Variants in CNKSR2 observed in about 807,000 individuals in gnomAD.
The protein encoded by CNKSR2 is connector enhancer of kinase suppressor of Ras 2.
A neutral mutation model predicts 84.4 loss-of-function variants in CNKSR2; 14 were observed. That is an observed-to-expected ratio of 0.17 (90% CI 0.11 to 0.26). The LOEUF (loss-of-function observed/expected upper bound fraction) is 0.26. CNKSR2 is among the 10% of genes least tolerant of loss of function. The pLI, the probability that CNKSR2 is intolerant of heterozygous loss-of-function variation, is 1.00. For synonymous variants in CNKSR2, 275 were observed against 277.9 expected (o/e 0.99, Z 0.10); for missense variants, 485 against 771.2 (o/e 0.63, Z 4.40).
intron 5 of CNKSR2, among the ~76,000 whole-genome samples, chrX:21,488,511 T>C (rs1037456267): frequency 2.7e-5 from 3 of 111,636 alleles, no homozygotes; most frequent in African/African-American, 9.8e-5. Flanking sequence ...TCTATGGGTA[T>C]TGGTACCATG....
At position 21,383,805 on chromosome X, in the gene CNKSR2, C is replaced by T. The variant is rs757515416; in HGVS notation, c.64+8844C>T. 6.3e-5 allele frequency among the ~76,000 whole-genome samples: 7 copies of T among 110,621 alleles called. No individual in the cohort carries two copies. The South Asian group carries it at 2.7e-3, about 42-fold the overall frequency. ...AAATCGATGGAAGCCTGGCTTAGAT[C>T]CTAGATTTTCCTTTTTTCAACTTAT... On this transcript the variant is annotated intron_variant, in intron 1 of 21. Transcript: ENST00000379510.
intron 13 of CNKSR2, among the ~76,000 whole-genome samples, chrX:21,564,104 G>A (rs997944395): frequency 1.8e-5 from 2 of 111,622 alleles, no homozygotes; most frequent in South Asian, 7.6e-4. Context: ...GTGTGAGAAT[G>A]TGGCATGTTC....
chrX:21,497,171 G>A (rs2091508490), intron 6 of CNKSR2, among the ~76,000 whole-genome samples: 1 of 110,854 alleles, frequency 9.0e-6, no homozygotes, highest in Non-Finnish European at 1.9e-5. Context: ...CCTTTTTACT[G>A]GGGGAAGGGA....
chrX:21,578,723 A>G (rs1453844868), intron 13 of CNKSR2, among the ~76,000 whole-genome samples: 3 of 111,694 alleles, frequency 2.7e-5, no homozygotes, highest in Non-Finnish European at 5.6e-5. Context: ...ACTAAAACAG[A>G]ATGCACTTCT....
rs183610520 is a variant in CNKSR2 at position 21,545,141 on chromosome X, A to G, written c.1303+13074A>G. Among the ~76,000 whole-genome samples, 121 of 111,764 alleles carry G rather than the reference A, an allele frequency of 1.1e-3. 1 individual carries two copies. Among genetic ancestry groups the G allele is most frequent in the African/African-American group, 3.7e-3 (114 of 30,772 alleles). On this transcript the variant is annotated intron_variant, in intron 11 of 21. Coordinates refer to ENST00000379510, the MANE Select transcript of CNKSR2 (RefSeq NM_014927.5). ...CAGCAAGTTAAGATCCACTGGCTTG[A>G]AATTCTCACTGCCAGCACGGCAGTC...
intron 5 of CNKSR2, among the ~76,000 whole-genome samples, chrX:21,473,416 G>A (rs1250399207): frequency 4.5e-5 from 5 of 111,171 alleles, no homozygotes; most frequent in Admixed American, 9.6e-5. Context: ...AGTATATGAG[G>A]CTAGAATAGT....
chrX:21,446,257 A>C (rs764907049), intron 4 of CNKSR2, among the ~76,000 whole-genome samples: 36 of 111,435 alleles, frequency 3.2e-4, no homozygotes, highest in African/African-American at 9.7e-4. Context: ...GATAACTTGA[A>C]TACTTTTTTT....
chrX:21,465,377 G>T (rs1279882073), intron 4 of CNKSR2, among the ~76,000 whole-genome samples: 2 of 110,848 alleles, frequency 1.8e-5, no homozygotes, highest in Non-Finnish European at 3.8e-5. Context: ...TGAATGCAAG[G>T]AAGAGAGGAA....
rs766493783 is a variant in CNKSR2 at position 21,518,438 on chromosome X, G to A, written c.957+1807G>A. Among the ~76,000 whole-genome samples, 7 of 111,409 alleles carry A rather than the reference G, an allele frequency of 6.3e-5. No homozygotes were observed. The Admixed American group carries it at 6.7e-4, about 11-fold the overall frequency. ...TAGTTTCTTGTTGATCCATGCACTC[G>A]GTTTGAGGGAATATCTCTAGCACAT... On this transcript the variant is annotated intron_variant, in intron 9 of 21. Coordinates refer to ENST00000379510, the MANE Select transcript of CNKSR2 (RefSeq NM_014927.5).
intron 12 of CNKSR2, among the ~76,000 whole-genome samples, chrX:21,562,279 C>T (rs755727733): frequency 1.8e-5 from 2 of 110,723 alleles, no homozygotes; most frequent in African/African-American, 6.6e-5. Flanking sequence ...GCCGTAAGGT[C>T]GTAGGTGGAA....
chrX:21,497,704 A>AT, intron 6 of CNKSR2, 83 bp from the exon 7 acceptor site: 1 of 525,741 alleles, frequency 1.9e-6, no homozygotes, highest in Non-Finnish European at 3.4e-6. Context: ...TGATAGAGTA[A>AT]TTTTTTATAT....
intron 5 of CNKSR2, among the ~76,000 whole-genome samples, chrX:21,475,000 A>G (rs981320295): frequency 2.7e-5 from 3 of 112,234 alleles, no homozygotes; most frequent in African/African-American, 6.5e-5. Context: ...CATAACAAAT[A>G]TGTGTTAATC....
chrX:21,588,112 C>A (rs886748632), intron 13 of CNKSR2, among the ~76,000 whole-genome samples: 1 of 112,024 alleles, frequency 8.9e-6, no homozygotes, highest in African/African-American at 3.2e-5. Flanking sequence ...ATTCAGTACC[C>A]AAGGATATTG....
intron 1 of CNKSR2, among the ~76,000 whole-genome samples, chrX:21,395,580 GCTTTA>G (rs1168216075): frequency 9.1e-6 from 1 of 110,289 alleles, no homozygotes; most frequent in African/African-American, 3.3e-5. Flanking sequence ...GGTTGAGACA[GCTTTA>G]CTTCTGTCAG....
intron 1 of CNKSR2, among the ~76,000 whole-genome samples, chrX:21,417,935 C>T (rs1222258866): frequency 9.0e-6 from 1 of 111,268 alleles, no homozygotes; most frequent in Non-Finnish European, 1.9e-5. Flanking sequence ...AAGACTTCCT[C>T]CTGCCATTTT....
At chrX:21,530,973 C>T (rs764753712) in intron 10 of CNKSR2, among the ~76,000 whole-genome samples, 2 of 110,164 alleles carry the variant, frequency 1.8e-5, no homozygotes, top group South Asian at 7.7e-4. Context: ...ACCCTAAATG[C>T]CATTCTTAAA....
In CNKSR2 at chrX:21,411,032, ACTTTT is replaced by A. The variant is rs200606566; in HGVS notation, c.65-15459_65-15455del. Among the ~76,000 whole-genome samples the A allele has an allele frequency of 6.7e-3, 737 of 110,545 alleles. 3 individuals carry two copies. Among genetic ancestry groups the A allele is most frequent in the African/African-American group, 0.023 (698 of 30,446 alleles). ...TGTTTCTGCAGTACTTTTATACTAA[ACTTTT>A]CTTTTGTGGAGATTATTTCAGTCAT... On this transcript the variant is annotated intron_variant, in intron 1 of 21. Coordinates refer to ENST00000379510, the MANE Select transcript of CNKSR2 (RefSeq NM_014927.5).
chrX:21,572,655 T>C (rs2092291791), intron 13 of CNKSR2, among the ~76,000 whole-genome samples: 1 of 111,168 alleles, frequency 9.0e-6, no homozygotes, highest in Non-Finnish European at 1.9e-5. Context: ...GGGAAGCCCC[T>C]TATAAAGCCA....
intron 1 of CNKSR2, among the ~76,000 whole-genome samples, chrX:21,376,130 GC>G (rs2089811589): frequency 8.9e-6 from 1 of 112,549 alleles, no homozygotes; most frequent in South Asian, 3.7e-4. Context: ...CGATGAAGGA[GC>G]CCCTTCTTGG....
Sources: gnomAD v4.1 joint callset for allele counts (sites outside exome capture counted in the v4.1 genomes callset) on GRCh38, gnomAD v4.1.1 for gene constraint, MANE v1.5 for transcripts, NCBI Gene and HGNC (gene_info 2026-07-23, HGNC 2026-07-21) for gene names.